The following TNR variants were observed in gnomAD, a reference collection of about 807,000 sequenced individuals.
TNR encodes tenascin R, also known as tenascin-R.
TNR carries 45 observed loss-of-function variants against 150.4 expected under a neutral mutation model. The ratio of observed to expected loss-of-function variants is 0.30; its 90% CI spans 0.24 to 0.38. TNR has a LOEUF of 0.38. Ranked by LOEUF, TNR falls within the 10% of genes least tolerant of loss-of-function variation. TNR has a pLI of 1.00. For missense variants in TNR, 1,544 were observed against 1,759.1 expected, an observed-to-expected ratio of 0.88 and a Z score of 2.19; for synonymous variants, 687 against 678.4, an observed-to-expected ratio of 1.01 and a Z score of -0.20.
At chr1:175,360,848 G>T (rs949855251) in intron 14 of TNR, among the ~76,000 whole-genome samples, 3 of 152,154 alleles carry the variant, frequency 2.0e-5, no homozygotes, top group Admixed American at 1.3e-4. Context: ...CCCTGAAGGA[G>T]CACTCACTTC....
intron 14 of TNR, among the ~76,000 whole-genome samples, chr1:175,362,365 A>G (rs914497440): frequency 2.0e-5 from 3 of 152,158 alleles, no homozygotes; most frequent in Non-Finnish European, 4.4e-5. Flanking sequence ...AATGATTCAG[A>G]TATCTGTTTT....
chr1:175,696,488 G>GA (rs1338994981), intron 1 of TNR, among the ~76,000 whole-genome samples: 1 of 151,842 alleles, frequency 6.6e-6, no homozygotes. Context: ...CAAGCCTTGA[G>GA]AAAAAAAGCC....
At chr1:175,510,689 T>C (rs1659133185) in intron 2 of TNR, among the ~76,000 whole-genome samples, 1 of 152,210 alleles carries the variant, frequency 6.6e-6, no homozygotes, top group Non-Finnish European at 1.5e-5. Context: ...ATCTGGAATT[T>C]CAAATCAAAA....
intron 2 of TNR, among the ~76,000 whole-genome samples, chr1:175,514,649 T>C (rs1395089530): frequency 6.6e-6 from 1 of 152,174 alleles, no homozygotes; most frequent in Non-Finnish European, 1.5e-5. Flanking sequence ...TCTACAGTTT[T>C]AAATGCCAAA....
chr1:175,414,531 T>C (rs1654350813), intron 2 of TNR, among the ~76,000 whole-genome samples: 1 of 152,230 alleles, frequency 6.6e-6, no homozygotes, highest in African/African-American at 2.4e-5. Context: ...TTTCCATTGA[T>C]TCATGTCCTC....
chr1:175,653,514 G>C (rs1288660089), intron 1 of TNR, among the ~76,000 whole-genome samples: 1 of 152,160 alleles, frequency 6.6e-6, no homozygotes, highest in Admixed American at 6.5e-5. Flanking sequence ...AGGGCTAAGA[G>C]GACACTGGGA....
intron 1 of TNR, among the ~76,000 whole-genome samples, chr1:175,574,550 C>T (rs1222003652): frequency 6.6e-6 from 1 of 152,160 alleles, no homozygotes; most frequent in African/African-American, 2.4e-5. Flanking sequence ...ATGGCGCTAT[C>T]TTCTACCTTC....
intron 1 of TNR, among the ~76,000 whole-genome samples, chr1:175,547,570 AAAG>A (rs1660739829): frequency 5.7e-5 from 2 of 35,334 alleles, no homozygotes; most frequent in Non-Finnish European, 1.2e-4. Context: ...AGAAGGAAAG[AAAG>A]AAAGAAAGAA....
chr1:175,462,547 C>T (rs986059490), intron 2 of TNR, among the ~76,000 whole-genome samples: 1 of 152,132 alleles, frequency 6.6e-6, no homozygotes, highest in Non-Finnish European at 1.5e-5. Flanking sequence ...AGGCATTCTC[C>T]GGAGTTCTTA....
At chr1:175,548,048 G>T (rs1660780744) in intron 1 of TNR, among the ~76,000 whole-genome samples, 1 of 152,192 alleles carries the variant, frequency 6.6e-6, no homozygotes, top group African/African-American at 2.4e-5. Context: ...AGACCTGGTG[G>T]GGAGCTGTTC....
chr1:175,740,281 G>A (rs547488724), intron 1 of TNR, among the ~76,000 whole-genome samples: 2 of 152,356 alleles, frequency 1.3e-5, no homozygotes, highest in African/African-American at 4.8e-5. Flanking sequence ...AAGTCAGAAA[G>A]TGATGGTGTT....
At chr1:175,556,119 T>A (rs12069941) in intron 1 of TNR, among the ~76,000 whole-genome samples, 6,250 of 152,336 alleles carry the variant, frequency 0.041, 430 homozygotes, top group African/African-American at 0.14. Context: ...GACGGCCTTT[T>A]TGGCATGTAA....
At chr1:175,417,660 A>G (rs944701802) in intron 2 of TNR, among the ~76,000 whole-genome samples, 2 of 152,086 alleles carry the variant, frequency 1.3e-5, no homozygotes, top group African/African-American at 4.8e-5. Flanking sequence ...TTCTTAGAAC[A>G]TTGAAACCCT....
intron 2 of TNR, among the ~76,000 whole-genome samples, chr1:175,417,059 G>GAAATAAATAAAT: frequency 9.6e-6 from 1 of 103,760 alleles, no homozygotes; most frequent in East Asian, 3.1e-4. Context: ...AAGAAAGAAA[G>GAAATAAATAAAT]AAAGAAAGAA....
chr1:175,484,399 C>T (rs918361608), intron 2 of TNR, among the ~76,000 whole-genome samples: 1 of 152,116 alleles, frequency 6.6e-6, no homozygotes, highest in Non-Finnish European at 1.5e-5. Flanking sequence ...CAGTTCTTCA[C>T]TTTACCTTGG....
At chr1:175,647,254 C>A (rs1374798686) in intron 1 of TNR, among the ~76,000 whole-genome samples, 1 of 152,102 alleles carries the variant, frequency 6.6e-6, no homozygotes, top group Non-Finnish European at 1.5e-5. Context: ...CTTTCTAACC[C>A]ATGAACAAGC....
At chr1:175,445,178 G>GAGAATAGA (rs1453806676) in intron 2 of TNR, among the ~76,000 whole-genome samples, 2 of 152,192 alleles carry the variant, frequency 1.3e-5, no homozygotes, top group Non-Finnish European at 2.9e-5. Flanking sequence ...GCAGAGGCAG[G>GAGAATAGA]AGAATAGAGT....
intron 18 of TNR, among the ~76,000 whole-genome samples, chr1:175,346,775 C>T (rs1650805583): frequency 6.7e-6 from 1 of 150,186 alleles, no homozygotes; most frequent in Non-Finnish European, 1.5e-5. Context: ...ACGTGGTAGT[C>T]AAATGTTTCC....
chr1:175,407,383 T>A (rs1273238560), intron 2 of TNR, among the ~76,000 whole-genome samples: 1 of 152,236 alleles, frequency 6.6e-6, no homozygotes, highest in Non-Finnish European at 1.5e-5. Flanking sequence ...TTTCTTTTAA[T>A]CTTCTTGTCA....
Sources: gnomAD v4.1 joint callset for allele counts (sites outside exome capture counted in the v4.1 genomes callset) on GRCh38, gnomAD v4.1.1 for gene constraint, MANE v1.5 for transcripts, NCBI Gene and HGNC (gene_info 2026-07-23, HGNC 2026-07-21) for gene names.